KCNJ6: variants seen among roughly 807,000 people sequenced by gnomAD.
KCNJ6 encodes G protein-activated inward rectifier potassium channel 2.
In KCNJ6, 9 loss-of-function variants were observed where a neutral mutation model predicts 34.2. That is an observed-to-expected ratio of 0.26 (90% CI 0.16 to 0.46). The LOEUF is 0.46. KCNJ6 is among the 20% of genes least tolerant of loss of function. The probability of loss-of-function intolerance (pLI) is 1.00; values close to 1 mark genes in which losing one functional copy is unlikely to be tolerated. For missense variants in KCNJ6, 236 were observed against 531.3 expected (o/e 0.44, Z 5.46); for synonymous variants, 196 against 207.1 (o/e 0.95, Z 0.46).
At chr21:37,794,991 G>T (rs538644642) in intron 2 of KCNJ6, among the ~76,000 whole-genome samples, 22 of 152,186 alleles carry the variant, frequency 1.4e-4, no homozygotes, top group African/African-American at 1.9e-4. Context: ...TCTGGGTAAA[G>T]ATCATGTAAA....
intron 2 of KCNJ6, among the ~76,000 whole-genome samples, chr21:37,784,039 T>G (rs574912506): frequency 6.6e-6 from 1 of 152,316 alleles, no homozygotes; most frequent in East Asian, 1.9e-4. Flanking sequence ...TTTTAGCCAC[T>G]CAGTTTGGGG....
At chr21:37,829,536 G>A (rs2055415052) in intron 2 of KCNJ6, among the ~76,000 whole-genome samples, 2 of 152,176 alleles carry the variant, frequency 1.3e-5, no homozygotes, top group Non-Finnish European at 2.9e-5. Flanking sequence ...GGGGCCAGGG[G>A]GCAGTGATGG....
In KCNJ6 at chr21:37,611,117, C is replaced by T. The variant is rs1278166908; in HGVS notation, c.*14042G>A. On this transcript the variant is annotated 3_prime_UTR_variant, in exon 4 of 4. Transcript: ENST00000609713. ...CTAACTAAGAAAAAAAGAGAAAGAA[C>T]ACAAATTACTACTATCAGAAATGAG... The T allele has an allele frequency of 6.6e-6, 1 of 152,044 alleles. No individual in the cohort carries two copies. The highest frequency in any genetic ancestry group is 1.9e-4 in the East Asian group (1 of 5,196). The allele number at this position is 152,044 out of a possible 1,614,324, so 9.4% of individuals were successfully genotyped here.
chr21:37,859,531 A>ATATATATATATAT lies in KCNJ6; in HGVS notation c.-27-18823_-27-18822insATATATATATATA, dbSNP rs1491433754. ...TATATATATATATATATATATATAT[A>ATATATATATATAT]AAATACTTAAAAAGCTCTACAGATG... On this transcript the variant is annotated intron_variant, in intron 1 of 3. Coordinates refer to ENST00000609713, the MANE Select transcript of KCNJ6 (RefSeq NM_002240.5). Among the ~76,000 whole-genome samples, 84 of 86,276 alleles carry ATATATATATATAT rather than the reference A, an allele frequency of 9.7e-4. 1 individual carries two copies. The highest frequency in any genetic ancestry group is 1.7e-3 in the African/African-American group (29 of 16,676). 56.6% of individuals were successfully genotyped at this position (86,276 alleles called of 152,430 possible).
chr21:37,725,135 G>A (rs1404026481), intron 2 of KCNJ6, among the ~76,000 whole-genome samples: 1 of 152,142 alleles, frequency 6.6e-6, no homozygotes, highest in Non-Finnish European at 1.5e-5. Context: ...AATGGTCAAA[G>A]GAAATAAATG....
intron 2 of KCNJ6, among the ~76,000 whole-genome samples, chr21:37,808,509 C>T (rs1159187486): frequency 2.0e-5 from 3 of 152,164 alleles, no homozygotes; most frequent in African/African-American, 7.2e-5. Context: ...TATGCCTGGC[C>T]TTGAGTGCAC....
rs2054530047 is a variant in KCNJ6 at position 37,669,030 on chromosome 21, C to T, written c.947-43546G>A. Reference sequence around the variant, plus strand: ...AGATCTAAATAGGAAACATTGCCATCTATTGTCTCAAAGGGCAGCTACCTA... The same window carrying T: ...AGATCTAAATAGGAAACATTGCCATTTATTGTCTCAAAGGGCAGCTACCTA... On this transcript the variant is annotated intron_variant, in intron 3 of 3. Coordinates refer to ENST00000609713, the MANE Select transcript of KCNJ6 (RefSeq NM_002240.5). Among the ~76,000 whole-genome samples, 3 of 152,194 alleles carry T rather than the reference C, an allele frequency of 2.0e-5. No homozygotes were observed. In the South Asian group the frequency reaches 6.2e-4, roughly 32 times the overall value.
chr21:37,655,575 GA>G (rs2054460017), intron 3 of KCNJ6, among the ~76,000 whole-genome samples: 1 of 152,174 alleles, frequency 6.6e-6, no homozygotes, highest in South Asian at 2.1e-4. Context: ...AGGTAGAATG[GA>G]CAAGGGGAAT....
rs547662064 is a variant in KCNJ6 at position 37,623,508 on chromosome 21, A to G, written c.*1651T>C. 5.3e-5 allele frequency: 8 copies of G among 152,358 alleles called. No individual in the cohort carries two copies. The East Asian group carries it at 7.7e-4, about 15-fold the overall frequency. The allele number at this position is 152,358 out of a possible 1,614,324, so 9.4% of individuals were successfully genotyped here. Reference sequence around the variant, plus strand: ...GCAAAGTGAATGTGAAAGATCTGTAACAGTGCAAAATCTCCACCTGCCCCG... The same window carrying G: ...GCAAAGTGAATGTGAAAGATCTGTAGCAGTGCAAAATCTCCACCTGCCCCG... On this transcript the variant is annotated 3_prime_UTR_variant, in exon 4 of 4. Transcript: ENST00000609713.
At chr21:37,779,617 T>G (rs1174785991) in intron 2 of KCNJ6, among the ~76,000 whole-genome samples, 10 of 152,166 alleles carry the variant, frequency 6.6e-5, no homozygotes. Flanking sequence ...GAAAAGCCAC[T>G]TGGGGAACCT....
chr21:37,731,108 T>TGC (rs2054882351), intron 2 of KCNJ6, among the ~76,000 whole-genome samples: 1 of 127,530 alleles, frequency 7.8e-6, no homozygotes. Context: ...GAAGTGTGTG[T>TGC]GTGTGTGTGT....
At chr21:37,636,233 A>G (rs1055134429) in intron 3 of KCNJ6, among the ~76,000 whole-genome samples, 1 of 152,196 alleles carries the variant, frequency 6.6e-6, no homozygotes, top group Non-Finnish European at 1.5e-5. Flanking sequence ...TCAGATTCAA[A>G]TGCCAGTCTC....
chr21:37,828,509 C>T (rs1026019548), intron 2 of KCNJ6, among the ~76,000 whole-genome samples: 2 of 152,184 alleles, frequency 1.3e-5, no homozygotes, highest in African/African-American at 4.8e-5. Context: ...GTGATGGATT[C>T]TTGATGAAAA....
At chr21:37,747,928 AC>A (rs1474463875) in intron 2 of KCNJ6, among the ~76,000 whole-genome samples, 2 of 152,190 alleles carry the variant, frequency 1.3e-5, no homozygotes, top group Non-Finnish European at 2.9e-5. Flanking sequence ...AAGGAAACTA[AC>A]ACAGGGTAAT....
chr21:37,820,368 C>A (rs1447647827), intron 2 of KCNJ6, among the ~76,000 whole-genome samples: 1 of 152,140 alleles, frequency 6.6e-6, no homozygotes, highest in Non-Finnish European at 1.5e-5. Context: ...AGTACATGTT[C>A]CTGCTCAAAG....
chr21:37,732,913 G>A, intron 2 of KCNJ6, among the ~76,000 whole-genome samples: 1 of 152,140 alleles, frequency 6.6e-6, no homozygotes, highest in East Asian at 1.9e-4. Flanking sequence ...ACACCTGTTG[G>A]GTAGCTCCAC....
chr21:37,719,568 C>T (rs904749482), intron 2 of KCNJ6: 2 of 152,146 alleles, frequency 1.3e-5, no homozygotes, highest in Admixed American at 6.5e-5. Flanking sequence ...CAAAGAATGG[C>T]GCTGAGAACT....
chr21:37,892,808 A>G (rs1353193441), intron 1 of KCNJ6, among the ~76,000 whole-genome samples: 8 of 151,998 alleles, frequency 5.3e-5, no homozygotes, highest in African/African-American at 1.9e-4. Flanking sequence ...GGAGAGTGAG[A>G]AGTCCCAGTT....
At chr21:37,833,577 G>A (rs2055437392) in intron 2 of KCNJ6, among the ~76,000 whole-genome samples, 2 of 152,312 alleles carry the variant, frequency 1.3e-5, no homozygotes, top group East Asian at 1.9e-4. Flanking sequence ...TGGAGATGCA[G>A]CCTCCGAGAC....
Sources: allele counts gnomAD v4.1 joint callset (sites outside exome capture counted in the v4.1 genomes callset), GRCh38; gene constraint gnomAD v4.1.1; transcripts MANE v1.5; gene names NCBI Gene and HGNC (gene_info 2026-07-23, HGNC 2026-07-21).